Variants in ABCC5 observed in about 807,000 individuals in gnomAD.
The protein encoded by ABCC5 is ATP-binding cassette sub-family C member 5.
A neutral mutation model predicts 160.9 loss-of-function variants in ABCC5; 61 were observed. The observed-to-expected ratio is 0.38, with a 90% CI of 0.31 to 0.47. ABCC5 has a LOEUF of 0.47. ABCC5 is among the 20% of genes least tolerant of loss of function. The pLI, the probability that ABCC5 is intolerant of heterozygous loss-of-function variation, is 0.99. For synonymous variants in ABCC5, 666 were observed against 700.6 expected, an observed-to-expected ratio of 0.95 and a Z score of 0.78; for missense variants, 1,308 against 1,813.3, an observed-to-expected ratio of 0.72 and a Z score of 5.06.
chr3:183,933,558 T>C (rs1425134200), intron 26 of ABCC5, among the ~76,000 whole-genome samples: 1 of 152,054 alleles, frequency 6.6e-6, no homozygotes, highest in East Asian at 1.9e-4. Flanking sequence ...CCTCTCTTCT[T>C]GGAGGCAATC....
At chr3:183,969,629 T>C (rs778460340) in intron 11 of ABCC5, among the ~76,000 whole-genome samples, 2 of 150,436 alleles carry the variant, frequency 1.3e-5, no homozygotes, top group African/African-American at 2.5e-5. Flanking sequence ...GAGGCAGAGG[T>C]TGCAGTGAGC....
In ABCC5 at chr3:183,966,858, G is replaced by A. The variant is rs548611747; in HGVS notation, c.1833+837C>T. 1.4e-4 allele frequency among the ~76,000 whole-genome samples: 22 copies of A among 152,138 alleles called. 1 individual carries two copies. In the South Asian group the frequency reaches 4.6e-3, roughly 32 times the overall value. ...GACAAGAAAGCATTCCATAATCTGG[G>A]GGCTACAAAAGCACCCCTGCTCCCC... On this transcript the variant is annotated intron_variant, in intron 12 of 29. Coordinates refer to ENST00000334444, the MANE Select transcript of ABCC5 (RefSeq NM_005688.4).
chr3:183,949,843 G>A lies in ABCC5; in HGVS notation c.3137C>T (p.Thr1046Met), dbSNP rs200996972. The change falls in exon 22 of 30, where the codon ACG (threonine) becomes ATG (methionine). Residue 1046 changes from threonine (T) to methionine (M), a missense_variant. Physicochemically the swap from Thr to Met is moderately conservative, Grantham distance 81 (BLOSUM62 -1). Coordinates refer to ENST00000334444, the MANE Select transcript of ABCC5 (RefSeq NM_005688.4). The surrounding 1 kb of genome is among the most constrained non-coding windows in gnomAD (Gnocchi z 4.2). ...GATGTGGGAGAGGAAAGGTGACTGC[G>A]TGATATTGTCCAGACGCTTCAGCTC... ...IRELKRLDNI[T>M]QSPFLSHITS... 3.2e-5 allele frequency: 51 copies of A among 1,614,096 alleles called. No homozygotes were observed. Among genetic ancestry groups the A allele is most frequent in the African/African-American group, 6.7e-5 (5 of 74,932 alleles).
chr3:183,957,846 C>G (rs561883742), intron 17 of ABCC5, among the ~76,000 whole-genome samples: 64 of 137,472 alleles, frequency 4.7e-4, no homozygotes, highest in Non-Finnish European at 8.5e-4. Flanking sequence ...ACATGCGGAT[C>G]CGTGTGTATA....
intron 17 of ABCC5, among the ~76,000 whole-genome samples, chr3:183,958,987 G>C (rs1716484092): frequency 6.6e-6 from 1 of 151,852 alleles, no homozygotes. Flanking sequence ...ATTCAAAAGG[G>C]TGAGGTAAGG....
rs1248832745 is a variant in ABCC5, at chr3:183,928,911, A to G, written c.3855-86T>C. ...TGTCTGTGGAAGATGTTTAACACAC[A>G]TGCATAGGGAGAGAAGACTCCAAAC... On this transcript the variant is annotated intron_variant, in intron 26 of 29. Transcript: ENST00000334444. 3.7e-6 allele frequency: 4 copies of G among 1,078,886 alleles called. No homozygotes were observed. The East Asian group carries it at 7.1e-5, about 19-fold the overall frequency. 66.8% of individuals were successfully genotyped at this position (1,078,886 alleles called of 1,614,324 possible).
chr3:184,011,876 C>T (rs1879258), intron 2 of ABCC5, among the ~76,000 whole-genome samples: 1 of 151,940 alleles, frequency 6.6e-6, no homozygotes, highest in Non-Finnish European at 1.5e-5. Context: ...AAAAGATTAG[C>T]AGTTGCCAGA....
chr3:183,973,518 A>C (rs183816016), intron 10 of ABCC5, among the ~76,000 whole-genome samples: 119 of 152,146 alleles, frequency 7.8e-4, no homozygotes, highest in African/African-American at 2.7e-3. Flanking sequence ...AGAACCCCCC[A>C]GCTATCTTAA....
At chr3:183,952,941 G>A (rs1715523241) in intron 18 of ABCC5, 145 bp downstream of exon 18, 1 of 952,686 alleles carries the variant, frequency 1.0e-6, no homozygotes, top group Non-Finnish European at 1.5e-6. Flanking sequence ...CTACATTAGG[G>A]ACTCATCTTT....
intron 2 of ABCC5, among the ~76,000 whole-genome samples, chr3:183,992,166 T>C (rs1442908785): frequency 6.6e-6 from 1 of 152,240 alleles, no homozygotes; most frequent in East Asian, 1.9e-4. Flanking sequence ...ATTTTTAAAA[T>C]ATCTGAATGT....
At chr3:183,960,615 CTG>C (rs1716629751) in intron 16 of ABCC5, among the ~76,000 whole-genome samples, 1 of 152,184 alleles carries the variant, frequency 6.6e-6, no homozygotes, top group Admixed American at 6.5e-5. Flanking sequence ...CCCTAGAACA[CTG>C]TGAGTCCCTT....
chr3:183,963,734 A>C lies in ABCC5; in HGVS notation c.2032-146T>G, dbSNP rs1185644363. 2.6e-5 allele frequency: 19 copies of C among 743,422 alleles called. No homozygotes were observed. The highest frequency in any genetic ancestry group is 3.8e-5 in the Non-Finnish European group (18 of 479,888). The allele number at this position is 743,422 out of a possible 1,614,324, so 46.1% of individuals were successfully genotyped here. A position where few individuals can be genotyped will look rare whatever the true frequency, so the allele number is the denominator to read the frequency against. On this transcript the variant is annotated intron_variant, in intron 14 of 29. Transcript: ENST00000334444. The surrounding 1 kb of genome is among the most constrained non-coding windows in gnomAD (Gnocchi z 4.6). ...ATGAACTGCCATGCTGATTCCCCGC[A>C]GATGAACTGCCATGCTGATCCTTCA...
chr3:183,947,041 T>C (rs1366390826), intron 23 of ABCC5, among the ~76,000 whole-genome samples: 1 of 152,186 alleles, frequency 6.6e-6, no homozygotes, highest in Non-Finnish European at 1.5e-5. Flanking sequence ...AAGAAACTAT[T>C]TTCAAGATCA....
At chr3:183,924,646 A>AT (rs1712344697) in intron 29 of ABCC5, among the ~76,000 whole-genome samples, 1 of 152,238 alleles carries the variant, frequency 6.6e-6, no homozygotes, top group Admixed American at 6.5e-5. Context: ...CATCACCTGT[A>AT]TAAAGAACTG....
intron 24 of ABCC5, among the ~76,000 whole-genome samples, chr3:183,944,476 A>G (rs1440487000): frequency 6.7e-6 from 1 of 148,872 alleles, no homozygotes; most frequent in African/African-American, 2.5e-5. Flanking sequence ...TTCAAAGTCA[A>G]GTGTTGGGAA....
chr3:183,959,359 G>A (rs1716519889), intron 17 of ABCC5, among the ~76,000 whole-genome samples: 2 of 152,134 alleles, frequency 1.3e-5, no homozygotes, highest in African/African-American at 2.4e-5. Context: ...TATTCTTAGA[G>A]CCAGAACACC....
intron 10 of ABCC5, among the ~76,000 whole-genome samples, chr3:183,973,709 C>T (rs543268606): frequency 3.3e-5 from 5 of 152,298 alleles, no homozygotes; most frequent in African/African-American, 1.2e-4. Flanking sequence ...TCTCGAGTAA[C>T]CTTAGGTGTG....
chr3:183,965,279 C>A (rs770708980), intron 13 of ABCC5, 22 bp from the exon 14 acceptor site: 12 of 1,614,050 alleles, frequency 7.4e-6, no homozygotes, highest in Non-Finnish European at 9.3e-6. Context: ...AAAGAGACAG[C>A]GTCAGGGACA....
intron 10 of ABCC5, among the ~76,000 whole-genome samples, chr3:183,974,233 G>A (rs79059737): frequency 6.6e-6 from 1 of 152,304 alleles, no homozygotes; most frequent in African/African-American, 2.4e-5. Flanking sequence ...GAATGAATCT[G>A]TTGAGAACAG....
Sources: allele counts gnomAD v4.1 joint callset (sites outside exome capture counted in the v4.1 genomes callset), GRCh38; gene constraint gnomAD v4.1.1; non-coding constraint Gnocchi (gnomAD v3.1); transcripts MANE v1.5; gene names NCBI Gene and HGNC (gene_info 2026-07-23, HGNC 2026-07-21).